TBC1D19: variants seen among roughly 807,000 people sequenced by gnomAD.
The protein encoded by TBC1D19 is TBC1 domain family member 19.
A neutral mutation model predicts 89.0 loss-of-function variants in TBC1D19; 60 were observed. That is an observed-to-expected ratio of 0.67 (90% CI 0.55 to 0.84). The LOEUF (loss-of-function observed/expected upper bound fraction) is 0.84. Ranked by LOEUF, TBC1D19 falls within the 40% of genes least tolerant of loss-of-function variation. The pLI is 0.00. For synonymous variants in TBC1D19, 189 were observed against 199.7 expected (o/e 0.95, Z 0.45); for missense variants, 500 against 610.8 (o/e 0.82, Z 1.91).
chr4:26,768,151 A>G, the TBC1D19 span, among the ~76,000 whole-genome samples: 1 of 152,190 alleles, frequency 6.6e-6, no homozygotes, highest in South Asian at 2.1e-4. Flanking sequence ...GCTGAAAAAG[A>G]ATTACTCAGA....
chr4:26,672,457 G>T (rs1471413752), intron 10 of TBC1D19, among the ~76,000 whole-genome samples: 1 of 151,982 alleles, frequency 6.6e-6, no homozygotes, highest in Non-Finnish European at 1.5e-5. Context: ...AGGGATGTTA[G>T]CTTAATCCAT....
intron 12 of TBC1D19, 151 bp downstream of exon 12, chr4:26,683,900 G>C (rs1713576792): frequency 1.6e-6 from 1 of 610,614 alleles, no homozygotes; most frequent in Non-Finnish European, 2.5e-6. Context: ...GTTAAAGTTG[G>C]TGTTCAAAAT....
chr4:26,845,401 A>G, the TBC1D19 span, among the ~76,000 whole-genome samples: 1 of 152,058 alleles, frequency 6.6e-6, no homozygotes, highest in African/African-American at 2.4e-5. Flanking sequence ...AATATTGACA[A>G]TTTAAACTAT....
At chr4:26,826,143 A>G in the TBC1D19 span, among the ~76,000 whole-genome samples, 2 of 152,252 alleles carry the variant, frequency 1.3e-5, no homozygotes, top group Non-Finnish European at 2.9e-5. Flanking sequence ...CAGAAGTTGC[A>G]GTGAGCTGAG....
At chr4:26,701,283 A>G (rs1001631921) in intron 13 of TBC1D19, among the ~76,000 whole-genome samples, 2 of 151,026 alleles carry the variant, frequency 1.3e-5, no homozygotes, top group Middle Eastern at 3.2e-3. Context: ...ATTTACTCAG[A>G]TACACCTTCC....
chr4:26,807,622 G>A, the TBC1D19 span, among the ~76,000 whole-genome samples: 1 of 152,160 alleles, frequency 6.6e-6, no homozygotes, highest in Non-Finnish European at 1.5e-5. Context: ...TGCTTGGCGA[G>A]TTCATCTCTC....
chr4:26,738,083 T>C (rs1718148345), intron 16 of TBC1D19, among the ~76,000 whole-genome samples: 1 of 151,782 alleles, frequency 6.6e-6, no homozygotes, highest in Admixed American at 6.6e-5. Flanking sequence ...TGCTTAAAAT[T>C]AAAAATTAAG....
At chr4:26,749,105 A>G (rs753833763) in intron 19 of TBC1D19, among the ~76,000 whole-genome samples, 6 of 152,166 alleles carry the variant, frequency 3.9e-5, no homozygotes, top group Admixed American at 2.0e-4. Context: ...CAAAGCCACA[A>G]ATTTATCTTT....
At chr4:26,838,534 A>G in the TBC1D19 span, among the ~76,000 whole-genome samples, 30 of 152,356 alleles carry the variant, frequency 2.0e-4, no homozygotes, top group Non-Finnish European at 4.0e-4. Flanking sequence ...GACATCCACT[A>G]GAAGTCATAA....
At chr4:26,665,089 G>A (rs1711687034) in intron 8 of TBC1D19, among the ~76,000 whole-genome samples, 1 of 152,140 alleles carries the variant, frequency 6.6e-6, no homozygotes, top group African/African-American at 2.4e-5. Flanking sequence ...GATTTCCTTG[G>A]AAGGGGTGCC....
the TBC1D19 span, among the ~76,000 whole-genome samples, chr4:26,779,610 GT>G: frequency 6.6e-6 from 1 of 152,140 alleles, no homozygotes; most frequent in East Asian, 1.9e-4. Context: ...GCTTACTTGG[GT>G]TTTGGACTAA....
chr4:26,592,709 G>A (rs983919884), intron 1 of TBC1D19, among the ~76,000 whole-genome samples: 24 of 150,870 alleles, frequency 1.6e-4, no homozygotes, highest in African/African-American at 5.8e-4. Flanking sequence ...CAAACAGAGA[G>A]CCAAATCATG....
chr4:26,643,654 G>C (rs1173151271), intron 7 of TBC1D19, among the ~76,000 whole-genome samples: 1 of 152,086 alleles, frequency 6.6e-6, no homozygotes, highest in Non-Finnish European at 1.5e-5. Context: ...TTTTTGAAAA[G>C]ATCAACAAAA....
the TBC1D19 span, among the ~76,000 whole-genome samples, chr4:26,822,754 A>G: frequency 6.6e-6 from 1 of 152,252 alleles, no homozygotes; most frequent in South Asian, 2.1e-4. Flanking sequence ...GCGGGGAAGC[A>G]CTAAGCCACA....
At chr4:26,788,085 T>A in the TBC1D19 span, among the ~76,000 whole-genome samples, 5 of 152,076 alleles carry the variant, frequency 3.3e-5, no homozygotes, top group African/African-American at 1.2e-4. Context: ...CTGCTGTGAC[T>A]CACCCTTTCA....
the TBC1D19 span, among the ~76,000 whole-genome samples, chr4:26,849,881 A>G: frequency 6.6e-6 from 1 of 152,200 alleles, no homozygotes; most frequent in Non-Finnish European, 1.5e-5. Flanking sequence ...TAACATTTTC[A>G]TTATTTTTTA....
At chr4:26,761,108 GTTTTA>G (rs1331247534), downstream of TBC1D19, among the ~76,000 whole-genome samples, 1 of 152,102 alleles carries the variant, frequency 6.6e-6, no homozygotes, top group Non-Finnish European at 1.5e-5. Context: ...GATTTTTGTA[GTTTTA>G]TAGTAAATCT....
intron 1 of TBC1D19, 61 bp downstream of exon 1, chr4:26,584,353 C>A: frequency 6.8e-7 from 1 of 1,469,912 alleles, no homozygotes; most frequent in Non-Finnish European, 9.3e-7. Flanking sequence ...GTCTCTTCTT[C>A]ACCCTCCTCA....
upstream of TBC1D19, among the ~76,000 whole-genome samples, chr4:26,583,338 C>T (rs1460567022): frequency 6.6e-6 from 1 of 152,106 alleles, no homozygotes; most frequent in African/African-American, 2.4e-5. Context: ...CCTTTGTGCC[C>T]ACACAGTTCC....
Sources: gnomAD v4.1 joint callset for allele counts (sites outside exome capture counted in the v4.1 genomes callset) on GRCh38, gnomAD v4.1.1 for gene constraint, MANE v1.5 for transcripts, NCBI Gene and HGNC (gene_info 2026-07-23, HGNC 2026-07-21) for gene names.